EVI5: variants seen among roughly 807,000 people sequenced by gnomAD.
The protein encoded by EVI5 is ecotropic viral integration site 5 protein homolog.
Under a neutral mutation model 112.0 loss-of-function variants are expected in EVI5, and 73 were observed. The observed-to-expected ratio is 0.65, with a 90% CI of 0.54 to 0.79. EVI5 has a LOEUF of 0.79. Ranked by LOEUF, EVI5 falls within the 30% of genes least tolerant of loss-of-function variation. EVI5 has a pLI of 0.00. For synonymous variants in EVI5, 305 were observed against 319.9 expected, an observed-to-expected ratio of 0.95 and a Z score of 0.50; for missense variants, 900 against 968.8, an observed-to-expected ratio of 0.93 and a Z score of 0.94.
chr1:92,627,876 G>A (rs1656026727), intron 14 of EVI5, among the ~76,000 whole-genome samples: 1 of 151,782 alleles, frequency 6.6e-6, no homozygotes, highest in African/African-American at 2.4e-5. Context: ...TGCAACTTCT[G>A]CCTCCCGGGT....
In EVI5 at chr1:92,785,060, T is replaced by C. The variant is rs1374979969; in HGVS notation, c.-306A>G. 8 of 985,218 alleles carry C rather than the reference T, an allele frequency of 8.1e-6. No individual in the cohort carries two copies. The highest frequency in any genetic ancestry group is 7.0e-5 in the African/African-American group (4 of 57,148). 61.0% of individuals were successfully genotyped at this position (985,218 alleles called of 1,614,324 possible). ...GAACTGCAGCCAGCCCCTTGCCAGC[T>C]GGCCAGCTGGTTCCTCCGGGGTCCG... On this transcript the variant is annotated 5_prime_UTR_variant, in exon 1 of 20. Coordinates refer to ENST00000684568, the MANE Select transcript of EVI5 (RefSeq NM_001350197.2).
intron 1 of EVI5, among the ~76,000 whole-genome samples, chr1:92,773,607 A>G (rs1683735710): frequency 6.6e-6 from 1 of 152,120 alleles, no homozygotes; most frequent in South Asian, 2.1e-4. Context: ...ACACTACTGC[A>G]CTCCAGCCTG....
chr1:92,624,392 T>C (rs1655198428), intron 15 of EVI5, 58 bp from the exon 16 acceptor site: 10 of 1,386,698 alleles, frequency 7.2e-6, no homozygotes, highest in Non-Finnish European at 8.1e-6. Flanking sequence ...TAAGAGCTAA[T>C]ATTACTGAGC....
In EVI5 at chr1:92,539,265, G is replaced by A. The variant is rs538154698; in HGVS notation, c.2166+24377C>T. ...ATCTGAAAAAATCTTGAACCCGGCC[G>A]GGCGCAGTGGCTCACGCCTATAATC... On this transcript the variant is annotated intron_variant, in intron 19 of 19. Transcript: ENST00000684568. 8.5e-5 allele frequency among the ~76,000 whole-genome samples: 13 copies of A among 152,164 alleles called. 1 individual carries two copies. The South Asian group carries it at 1.2e-3, about 15-fold the overall frequency.
chr1:92,737,204 C>G (rs1374727201), intron 1 of EVI5, among the ~76,000 whole-genome samples: 1 of 152,076 alleles, frequency 6.6e-6, no homozygotes, highest in Non-Finnish European at 1.5e-5. Context: ...AGAAGAGGGA[C>G]TAGCACCCCA....
intron 19 of EVI5, among the ~76,000 whole-genome samples, chr1:92,518,164 C>T (rs1246233634): frequency 1.3e-5 from 2 of 152,118 alleles, no homozygotes; most frequent in Admixed American, 1.3e-4. Context: ...TCCCAAAGTG[C>T]TGGGATTACA....
chr1:92,656,028 A>C (rs1662945117), intron 13 of EVI5, among the ~76,000 whole-genome samples: 1 of 152,228 alleles, frequency 6.6e-6, no homozygotes, highest in Admixed American at 6.5e-5. Flanking sequence ...CAACAAAGAA[A>C]TACTGGACAT....
chr1:92,689,245 C>T (rs950024489), intron 9 of EVI5, among the ~76,000 whole-genome samples: 3 of 152,106 alleles, frequency 2.0e-5, no homozygotes, highest in African/African-American at 7.2e-5. Context: ...GCTTACTTTG[C>T]AACCTTAAAA....
At chr1:92,534,513 C>T (rs1663477862) in intron 19 of EVI5, among the ~76,000 whole-genome samples, 1 of 152,188 alleles carries the variant, frequency 6.6e-6, no homozygotes, top group Admixed American at 6.5e-5. Flanking sequence ...AGGTATCACG[C>T]TACCTGACTT....
At chr1:92,630,289 G>A (rs1490488503) in intron 14 of EVI5, among the ~76,000 whole-genome samples, 7 of 152,190 alleles carry the variant, frequency 4.6e-5, no homozygotes, top group African/African-American at 7.2e-5. Context: ...CACCAACAGC[G>A]TAAAAGTGTT....
At chr1:92,707,408 A>T (rs1387942591) in intron 2 of EVI5, among the ~76,000 whole-genome samples, 3 of 152,140 alleles carry the variant, frequency 2.0e-5, no homozygotes, top group Non-Finnish European at 4.4e-5. Context: ...AAACACAGGT[A>T]TCTGACAAAA....
rs1418014110 is a variant in EVI5, at chr1:92,523,833, C to T, written c.2167-9863G>A. Among the ~76,000 whole-genome samples the T allele has an allele frequency of 2.0e-5, 3 of 152,084 alleles. No homozygotes were observed. The East Asian group carries it at 5.8e-4, about 29-fold the overall frequency. On this transcript the variant is annotated intron_variant, in intron 19 of 19. Transcript: ENST00000684568. Reference sequence around the variant, plus strand: ...GGACATGGTGACTTACGCTTGTAATCCCAGCACTTTGGGAGGCCGAGGCTG... The same window carrying T: ...GGACATGGTGACTTACGCTTGTAATTCCAGCACTTTGGGAGGCCGAGGCTG...
intron 2 of EVI5, among the ~76,000 whole-genome samples, chr1:92,712,800 T>C (rs912095973): frequency 6.6e-6 from 1 of 152,038 alleles, no homozygotes; most frequent in Non-Finnish European, 1.5e-5. Context: ...GAGGTAATGC[T>C]ATGGTGGTAA....
At chr1:92,687,078 C>T (rs11809700) in intron 9 of EVI5, among the ~76,000 whole-genome samples, 46,843 of 152,032 alleles carry the variant, frequency 0.31, 8,085 homozygotes, top group African/African-American at 0.45. Context: ...GCCCACATTG[C>T]CGAAACAATC....
intron 16 of EVI5, among the ~76,000 whole-genome samples, chr1:92,614,718 G>C (rs908996414): frequency 1.3e-5 from 2 of 151,502 alleles, no homozygotes; most frequent in African/African-American, 2.4e-5. Context: ...TCATCTTGCA[G>C]ACGGCCTATT....
At chr1:92,663,006 AT>A in intron 12 of EVI5, 141 bp from the exon 13 acceptor site, 1 of 340,476 alleles carries the variant, frequency 2.9e-6, no homozygotes, top group Non-Finnish European at 4.6e-6. Flanking sequence ...CTACGTAATC[AT>A]TAGCTAGCAG....
At chr1:92,590,871 G>A (rs1308900250) in intron 18 of EVI5, among the ~76,000 whole-genome samples, 5 of 152,180 alleles carry the variant, frequency 3.3e-5, no homozygotes, top group African/African-American at 1.2e-4. Context: ...GAGAAAGGTC[G>A]GGTTACCCAC....
intron 1 of EVI5, among the ~76,000 whole-genome samples, chr1:92,776,430 T>G (rs1684142412): frequency 6.6e-6 from 1 of 152,168 alleles, no homozygotes; most frequent in South Asian, 2.1e-4. Flanking sequence ...ATTAGAGATA[T>G]TTAAAATAGA....
At chr1:92,525,267 C>CT (rs745392747) in intron 19 of EVI5, among the ~76,000 whole-genome samples, 1,249 of 104,350 alleles carry the variant, frequency 0.012, 125 homozygotes, top group African/African-American at 0.031. Flanking sequence ...ATGACAATGC[C>CT]TTTTTTTTTT....
Sources: gnomAD v4.1 joint callset for allele counts (sites outside exome capture counted in the v4.1 genomes callset) on GRCh38, gnomAD v4.1.1 for gene constraint, MANE v1.5 for transcripts, NCBI Gene and HGNC (gene_info 2026-07-23, HGNC 2026-07-21) for gene names.